ARMC2: variants seen among roughly 807,000 people sequenced by gnomAD.
The protein encoded by ARMC2 is armadillo repeat-containing protein 2.
Under a neutral mutation model 90.3 loss-of-function variants are expected in ARMC2, and 67 were observed. The observed-to-expected ratio is 0.74, with a 90% confidence interval of 0.61 to 0.91. The LOEUF (loss-of-function observed/expected upper bound fraction) is 0.91, where lower values mean the gene tolerates loss of function less well. Ranked by LOEUF, ARMC2 falls within the 40% of genes least tolerant of loss-of-function variation. The pLI is 0.00. For synonymous variants in ARMC2, 393 were observed against 393.0 expected, an observed-to-expected ratio of 1.00 and a Z score of 0.00; for missense variants, 920 against 1,030.9, an observed-to-expected ratio of 0.89 and a Z score of 1.47.
At position 108,912,783 on chromosome 6, in the gene ARMC2, C is replaced by A. The variant is rs543525269; in HGVS notation, c.1350+225C>A. Among the ~76,000 whole-genome samples the A allele has an allele frequency of 1.4e-4, 21 of 152,258 alleles. 1 individual carries two copies. In the South Asian group the frequency reaches 4.4e-3, roughly 32 times the overall value. On this transcript the variant is annotated intron_variant, in intron 10 of 17. Transcript: ENST00000392644. The stretch of plus-strand genomic sequence containing the variant: ...CAAGAGCAGCTCTCCACACAGCATG[C>A]GCTTTCACTGCCCTGCAGAGAAAGC...
chr6:108,890,415 T>C (rs372813568), intron 5 of ARMC2, among the ~76,000 whole-genome samples: 3 of 151,786 alleles, frequency 2.0e-5, no homozygotes, highest in East Asian at 3.9e-4. Flanking sequence ...AGCAGAGTCA[T>C]TGCATTCAAT....
the ARMC2 span, chr6:109,002,257 G>A: frequency 6.2e-7 from 1 of 1,605,370 alleles, no homozygotes; most frequent in African/African-American, 1.3e-5. Context: ...AGTTCACTAT[G>A]TACTTTCACA....
the ARMC2 span, among the ~76,000 whole-genome samples, chr6:109,039,128 GAGAA>G: frequency 7.4e-6 from 1 of 136,052 alleles, no homozygotes; most frequent in East Asian, 2.3e-4. Context: ...GGAGGAGAAG[GAGAA>G]AGAAAGAAGA....
At chr6:108,958,846 C>A (rs1777783357) in intron 13 of ARMC2, among the ~76,000 whole-genome samples, 1 of 152,178 alleles carries the variant, frequency 6.6e-6, no homozygotes, top group African/African-American at 2.4e-5. Context: ...AATGATCATG[C>A]TTACTTTACC....
Position 108,953,081 on chromosome 6 carries a change from A to G in ARMC2, c.1645A>G (p.Asn549Asp). ...VFILGNLTAKNNQAREQFSKE... is the reference protein window; with the variant it reads ...VFILGNLTAKDNQAREQFSKE... ...TATTCTTGGCAACCTGACGGCAAAA[A>G]ATAACCAGGCTCGTGAACAATTTTC... The change falls in exon 13 of 18, where the codon AAT (asparagine) becomes GAT (aspartate). Residue 549 changes from asparagine to aspartate, a missense_variant. Asn to Asp is a conservative substitution (Grantham distance 23). Transcript: ENST00000392644. 6.2e-7 allele frequency: 1 copy of G among 1,613,656 alleles called. No individual in the cohort carries two copies. Among genetic ancestry groups the G allele is most frequent in the Non-Finnish European group, 8.5e-7 (1 of 1,179,730 alleles).
chr6:108,988,368 C>T, the ARMC2 span: 5 of 511,480 alleles, frequency 9.8e-6, no homozygotes, highest in East Asian at 3.3e-5. Context: ...TATTCTTTTA[C>T]TCTATCAACA....
At chr6:108,852,374 A>C (rs1774096943) in intron 1 of ARMC2, among the ~76,000 whole-genome samples, 1 of 152,216 alleles carries the variant, frequency 6.6e-6, no homozygotes, top group South Asian at 2.1e-4. Flanking sequence ...TTTGGTGGAA[A>C]AAAGAAGAAG....
chr6:108,875,746 A>G (rs1046261480), intron 4 of ARMC2, among the ~76,000 whole-genome samples: 76 of 152,210 alleles, frequency 5.0e-4, no homozygotes, highest in African/African-American at 1.8e-3. Context: ...AGTACCTAGG[A>G]CAGTGTTTGA....
intron 17 of ARMC2, among the ~76,000 whole-genome samples, chr6:108,967,320 G>A (rs1192795560): frequency 6.6e-6 from 1 of 152,212 alleles, no homozygotes; most frequent in Non-Finnish European, 1.5e-5. Flanking sequence ...CAGGCTATCT[G>A]TGGTTTCCTT....
At chr6:108,853,928 C>T (rs1306983520) in intron 1 of ARMC2, among the ~76,000 whole-genome samples, 3 of 152,010 alleles carry the variant, frequency 2.0e-5, no homozygotes, top group Non-Finnish European at 4.4e-5. Context: ...GGCTGAAGAC[C>T]ATGAGATGAT....
chr6:108,868,703 C>A, intron 3 of ARMC2, 121 bp from the exon 4 acceptor site: 2 of 832,028 alleles, frequency 2.4e-6, no homozygotes, highest in Non-Finnish European at 3.7e-6. Flanking sequence ...AATCAGGAAG[C>A]CAAGATGAAG....
chr6:108,910,378 C>T (rs974080424), intron 8 of ARMC2, among the ~76,000 whole-genome samples: 9 of 152,242 alleles, frequency 5.9e-5, no homozygotes, highest in Non-Finnish European at 2.9e-5. Context: ...GTTGATTGAG[C>T]GCACGTGGTC....
chr6:108,858,093 G>T, intron 2 of ARMC2, 106 bp from the exon 3 acceptor site: 1 of 727,516 alleles, frequency 1.4e-6, no homozygotes, highest in Non-Finnish European at 2.2e-6. Context: ...CATGGTTTAT[G>T]CATTGCATCC....
chr6:108,965,255 G>A, intron 17 of ARMC2, 115 bp downstream of exon 17: 1 of 919,370 alleles, frequency 1.1e-6, no homozygotes, highest in Non-Finnish European at 1.6e-6. Context: ...ATTTCTATAA[G>A]CAACAAGAGT....
chr6:108,965,118 A>G lies in ARMC2; in HGVS notation c.2424A>G (p.Leu808=). ...GAAATGAAGACACCAACACACTCTT[A>G]CTCTTGCTCTCATCATTTTTAGGTA... ...CFGNEDTNTL[L]LLLSSFLDEE... is the part of the protein sequence containing the mutation. The change falls in exon 17 of 18, where the codon TTA becomes TTG. Residue 808 remains leucine (L), a synonymous_variant. Coordinates refer to ENST00000392644, the MANE Select transcript of ARMC2 (RefSeq NM_032131.6). The G allele has an allele frequency of 6.2e-7, 1 of 1,607,352 alleles. No homozygotes were observed. The highest frequency in any genetic ancestry group is 8.5e-7 in the Non-Finnish European group (1 of 1,174,254).
chr6:108,922,321 C>T (rs546781881), intron 10 of ARMC2, among the ~76,000 whole-genome samples: 6 of 151,494 alleles, frequency 4.0e-5, no homozygotes, highest in African/African-American at 1.2e-4. Context: ...GGTTGGAGTG[C>T]GGTGGTGCGA....
the ARMC2 span, among the ~76,000 whole-genome samples, chr6:109,022,283 T>C: frequency 2.0e-5 from 3 of 152,284 alleles, no homozygotes; most frequent in African/African-American, 7.2e-5. Context: ...GATGGACAGC[T>C]TTTAAACTAG....
intron 13 of ARMC2, among the ~76,000 whole-genome samples, chr6:108,960,485 C>A (rs1042822688): frequency 6.6e-5 from 10 of 152,214 alleles, no homozygotes; most frequent in African/African-American, 2.4e-4. Flanking sequence ...ATCCAGCACT[C>A]ACTATGTGCC....
At chr6:109,027,848 T>G in the ARMC2 span, among the ~76,000 whole-genome samples, 1 of 152,198 alleles carries the variant, frequency 6.6e-6, no homozygotes, top group Non-Finnish European at 1.5e-5. Context: ...AATGTGCTTA[T>G]TGGTCATTTA....
Sources: gnomAD v4.1 joint callset for allele counts (sites outside exome capture counted in the v4.1 genomes callset) on GRCh38, gnomAD v4.1.1 for gene constraint, MANE v1.5 for transcripts, NCBI Gene and HGNC (gene_info 2026-07-23, HGNC 2026-07-21) for gene names.